Variants in FSD1L observed in about 807,000 individuals in gnomAD.
The protein encoded by FSD1L is fibronectin type III and SPRY domain containing 1 like.
Under a neutral mutation model 71.6 loss-of-function variants are expected in FSD1L, and 45 were observed. The ratio of observed to expected loss-of-function variants is 0.63; its 90% CI spans 0.49 to 0.81. The LOEUF (loss-of-function observed/expected upper bound fraction) is 0.81. FSD1L is among the 30% of genes least tolerant of loss of function. FSD1L has a pLI of 0.00. For missense variants in FSD1L, 561 were observed against 618.1 expected (o/e 0.91, Z 0.98); for synonymous variants, 197 against 207.2 (o/e 0.95, Z 0.42).
intron 10 of FSD1L, among the ~76,000 whole-genome samples, chr9:105,516,659 C>T (rs1034901726): frequency 3.3e-5 from 5 of 152,122 alleles, no homozygotes; most frequent in African/African-American, 9.7e-5. Flanking sequence ...CTCAAAGACC[C>T]CATCCGAAGG....
At chr9:105,499,140 T>C (rs1211332030) in intron 7 of FSD1L, among the ~76,000 whole-genome samples, 1 of 152,238 alleles carries the variant, frequency 6.6e-6, no homozygotes, top group African/African-American at 2.4e-5. Context: ...TCTGTAGATA[T>C]CAATTACATG....
At chr9:105,444,316 G>C (rs559780152), upstream of FSD1L, among the ~76,000 whole-genome samples, 3 of 152,144 alleles carry the variant, frequency 2.0e-5, no homozygotes, top group African/African-American at 7.2e-5. Flanking sequence ...TATTCTGATC[G>C]GTATGTTACA....
rs554162601 is a variant in FSD1L, at chr9:105,504,960, A to G, written c.587-1439A>G. ...AAACCCACTACCTCCTCCATATACA[A>G]TTTCCCCTGTTATTACTATTCTGCA... On this transcript the variant is annotated intron_variant, in intron 7 of 13. Transcript: ENST00000481272. 3.3e-5 allele frequency among the ~76,000 whole-genome samples: 5 copies of G among 152,242 alleles called. No homozygotes were observed. In the South Asian group the frequency reaches 8.3e-4, roughly 25 times the overall value.
rs1830696730 is a variant in FSD1L, at chr9:105,461,525, C to T, written c.21C>T (p.Cys7=). The T allele has an allele frequency of 6.5e-7, 1 of 1,547,068 alleles. No homozygotes were observed. Among genetic ancestry groups the T allele is most frequent in the Non-Finnish European group, 8.7e-7 (1 of 1,142,972 alleles). The change falls in exon 2 of 14, where the codon TGC becomes TGT. Residue 7 remains cysteine, a synonymous_variant. Transcript: ENST00000481272. The stretch of plus-strand genomic sequence containing the variant: ...ACTGTATTTATATTGGACAGTACTG[C>T]TTTAAGGAGAATGAAAACGTTACAG... MDSQKY[C]FKENENVTVD...
chr9:105,448,075 T>C lies in FSD1L; in HGVS notation c.-146T>C. On this transcript the variant is annotated 5_prime_UTR_variant, in exon 1 of 14. Coordinates refer to ENST00000481272, the MANE Select transcript of FSD1L (RefSeq NM_001145313.3). ...CGCGGCGTGACTACGGCGCGCGCGG[T>C]CTGGGCGCGGACGGGTGGGGCCGGG... The C allele has an allele frequency of 4.4e-6, 4 of 901,698 alleles. No individual in the cohort carries two copies. The South Asian group carries it at 5.8e-5, about 13-fold the overall frequency. 55.9% of individuals were successfully genotyped at this position (901,698 alleles called of 1,614,324 possible).
chr9:105,536,969 T>C (rs1836308430), intron 12 of FSD1L, among the ~76,000 whole-genome samples: 3 of 152,224 alleles, frequency 2.0e-5, no homozygotes, highest in Admixed American at 2.0e-4. Context: ...CTCAATGTTA[T>C]ATGTAATGCA....
chr9:105,506,742 A>C (rs1189211639), intron 8 of FSD1L, 134 bp downstream of exon 8: 2 of 621,904 alleles, frequency 3.2e-6, no homozygotes, highest in Admixed American at 6.0e-5. Flanking sequence ...TCAGTATGGA[A>C]GTGATTTTCT....
chr9:105,452,006 A>ATT (rs1226399092), intron 1 of FSD1L, among the ~76,000 whole-genome samples: 1 of 151,984 alleles, frequency 6.6e-6, no homozygotes, highest in Non-Finnish European at 1.5e-5. Flanking sequence ...TTTCCCCATT[A>ATT]TTTTTCCTGC....
intron 7 of FSD1L, among the ~76,000 whole-genome samples, chr9:105,495,383 A>G (rs917224301): frequency 6.6e-6 from 1 of 152,036 alleles, no homozygotes; most frequent in South Asian, 2.1e-4. Context: ...GAATGACCTG[A>G]TTTTCCAGGT....
Position 105,511,237 on chromosome 9 carries a change from T to C in FSD1L, c.896-1570T>C, listed in dbSNP as rs116419899. On this transcript the variant is annotated intron_variant, in intron 9 of 13. Transcript: ENST00000481272. ...TTGACACCAGTATTGCTGGTGGCCCTTCTCTCCAGCATAACAAACATTAGG... is the reference window on the plus strand; with the variant it reads ...TTGACACCAGTATTGCTGGTGGCCCCTCTCTCCAGCATAACAAACATTAGG... 6.3e-3 allele frequency among the ~76,000 whole-genome samples: 963 copies of C among 151,962 alleles called. 16 individuals carry two copies. The highest frequency in any genetic ancestry group is 0.022 in the African/African-American group (914 of 41,460).
chr9:105,476,252 A>G (rs1831793087), intron 5 of FSD1L, among the ~76,000 whole-genome samples: 1 of 152,184 alleles, frequency 6.6e-6, no homozygotes, highest in African/African-American at 2.4e-5. Context: ...CTCTGCATTC[A>G]TATCAGAGAT....
At chr9:105,492,107 G>A (rs1468480833) in intron 7 of FSD1L, among the ~76,000 whole-genome samples, 23 of 152,016 alleles carry the variant, frequency 1.5e-4, no homozygotes, top group Non-Finnish European at 1.3e-4. Flanking sequence ...GGTAGAATTC[G>A]GCTGTGAATC....
At chr9:105,448,341 C>A in intron 1 of FSD1L, 106 bp downstream of exon 1, 1 of 1,063,348 alleles carries the variant, frequency 9.4e-7, no homozygotes, top group South Asian at 1.9e-5. Context: ...TGGGCCTGGC[C>A]GGGCGTCCGG....
rs1454445584 is a variant in FSD1L, at chr9:105,495,530, A to G, written c.587-10869A>G. Among the ~76,000 whole-genome samples, 5 of 152,010 alleles carry G rather than the reference A, an allele frequency of 3.3e-5. No individual in the cohort carries two copies. The East Asian group carries it at 7.8e-4, about 24-fold the overall frequency. On this transcript the variant is annotated intron_variant, in intron 7 of 13. Transcript: ENST00000481272. ...CACTGTCCTGCGCCCACTGTCTGGC[A>G]CTCCCTAGTGAGATGAACCCGGTAC...
intron 10 of FSD1L, among the ~76,000 whole-genome samples, chr9:105,517,298 A>C (rs1283013961): frequency 1.3e-5 from 2 of 152,220 alleles, no homozygotes; most frequent in African/African-American, 4.8e-5. Context: ...AGACAGGCCA[A>C]CATTCAAATT....
At chr9:105,539,684 C>G (rs1836485541) in intron 13 of FSD1L, among the ~76,000 whole-genome samples, 1 of 152,062 alleles carries the variant, frequency 6.6e-6, no homozygotes, top group South Asian at 2.1e-4. Context: ...CCTAATGGCC[C>G]TTCTCCAGTG....
chr9:105,495,877 A>G (rs1487670569), intron 7 of FSD1L, among the ~76,000 whole-genome samples: 1 of 151,572 alleles, frequency 6.6e-6, no homozygotes, highest in Non-Finnish European at 1.5e-5. Context: ...CGGGAGGCTG[A>G]GGCAGAATGG....
Position 105,551,936 on chromosome 9 carries a change from G to A in FSD1L, c.*5453G>A, listed in dbSNP as rs1281996650. Reference sequence around the variant, plus strand: ...TTGTCACGGATAAATGATATAAAATGTAACCACTGAACATTTGACAACTTT... The same window carrying A: ...TTGTCACGGATAAATGATATAAAATATAACCACTGAACATTTGACAACTTT... On this transcript the variant is annotated 3_prime_UTR_variant, in exon 14 of 14. Coordinates refer to ENST00000481272, the MANE Select transcript of FSD1L (RefSeq NM_001145313.3). 1 of 152,194 alleles carries A rather than the reference G, an allele frequency of 6.6e-6. No homozygotes were observed. Among genetic ancestry groups the A allele is most frequent in the Non-Finnish European group, 1.5e-5 (1 of 68,022 alleles). The allele number at this position is 152,194 out of a possible 1,614,324, so 9.4% of individuals were successfully genotyped here.
chr9:105,448,249 G>A lies in FSD1L; in HGVS notation c.15+14G>A. 2.6e-6 allele frequency: 4 copies of A among 1,535,564 alleles called. No individual in the cohort carries two copies. The highest frequency in any genetic ancestry group is 3.5e-6 in the Non-Finnish European group (4 of 1,139,446). On this transcript the variant is annotated intron_variant, in intron 1 of 13. Transcript: ENST00000481272. ...GACTCCCAGAAAGTAAGCGGGGGAG[G>A]GGAGCCCGGGGCTACCGAGACAAGC... is the stretch of plus-strand genomic sequence containing the variant.
Sources: gnomAD v4.1 joint callset for allele counts (sites outside exome capture counted in the v4.1 genomes callset) on GRCh38, gnomAD v4.1.1 for gene constraint, MANE v1.5 for transcripts, NCBI Gene and HGNC (gene_info 2026-07-23, HGNC 2026-07-21) for gene names.